The following ZNF143 variants were observed in gnomAD, a reference collection of about 807,000 sequenced individuals.
The protein encoded by ZNF143 is zinc finger protein 143, also known as SPH-binding factor.
Under a neutral mutation model 74.1 loss-of-function variants are expected in ZNF143, and 49 were observed. The ratio of observed to expected loss-of-function variants is 0.66; its 90% CI spans 0.53 to 0.84. ZNF143 has a LOEUF of 0.84. ZNF143 is among the 40% of genes least tolerant of loss of function. The probability of loss-of-function intolerance (pLI) is 0.00; values close to 1 mark genes in which losing one functional copy is unlikely to be tolerated. For synonymous variants in ZNF143, 304 were observed against 282.8 expected (o/e 1.07, Z -0.75); for missense variants, 637 against 793.4 (o/e 0.80, Z 2.37).
At position 9,512,596 on chromosome 11, in the gene ZNF143, T is replaced by C. The variant is rs1201040184; in HGVS notation, c.1524T>C (p.His508=). 3.7e-6 allele frequency: 6 copies of C among 1,613,746 alleles called. No individual in the cohort carries two copies. In the African/African-American group the frequency reaches 8.0e-5, roughly 22 times the overall value. ...TCATATCCCAGGATGGGACTCAGCA[T>C]GTAAGTATCCACCAAAAGCCAAACA... ...VTLISQDGTQ[H]VNISQADMQA... The change falls in exon 13 of 16, where the codon CAT becomes CAC. Residue 508 remains histidine, a splice_region_variant and synonymous_variant. Coordinates refer to ENST00000396602, the MANE Select transcript of ZNF143 (RefSeq NM_003442.6).
chr11:9,502,268 G>GTTTTA, intron 11 of ZNF143, among the ~76,000 whole-genome samples: 1 of 98,948 alleles, frequency 1.0e-5, no homozygotes, highest in African/African-American at 4.0e-5. Context: ...TTTTTTTTGG[G>GTTTTA]AAACTGCTTT....
At chr11:9,467,412 T>G (rs535530772) in intron 1 of ZNF143, among the ~76,000 whole-genome samples, 1 of 151,880 alleles carries the variant, frequency 6.6e-6, no homozygotes, top group South Asian at 2.1e-4. Context: ...TTTCTTATAT[T>G]TTTAGTAGAG....
intron 5 of ZNF143, among the ~76,000 whole-genome samples, chr11:9,476,895 G>A (rs1478513526): frequency 6.7e-6 from 1 of 150,268 alleles, no homozygotes; most frequent in East Asian, 2.0e-4. Flanking sequence ...GAGTAGCTGG[G>A]ACTACAGGCA....
At chr11:9,487,707 A>G (rs896699528) in intron 7 of ZNF143, among the ~76,000 whole-genome samples, 1 of 152,202 alleles carries the variant, frequency 6.6e-6, no homozygotes, top group Non-Finnish European at 1.5e-5. Flanking sequence ...ATACCAGTGA[A>G]GTCATTTTCT....
rs190912751 is a variant in ZNF143 at position 9,487,346 on chromosome 11, A to G, written c.646-7300A>G. The stretch of plus-strand genomic sequence containing the variant: ...ACATGGTGAGTTTATGGCAGAGCTA[A>G]GGTTATGTCTTTTTGTTTGTTTGTT... On this transcript the variant is annotated intron_variant, in intron 7 of 15. Coordinates refer to ENST00000396602, the MANE Select transcript of ZNF143 (RefSeq NM_003442.6). Among the ~76,000 whole-genome samples, 17 of 150,928 alleles carry G rather than the reference A, an allele frequency of 1.1e-4. No individual in the cohort carries two copies. The East Asian group carries it at 3.3e-3, about 29-fold the overall frequency.
At position 9,474,553 on chromosome 11, in the gene ZNF143, G is replaced by C. The variant is rs1357693066; in HGVS notation, c.293G>C (p.Gly98Ala). The change falls in exon 5 of 16, where the codon GGG (glycine) becomes GCG (alanine). Residue 98 changes from glycine (G) to alanine (A), a missense_variant. Gly to Ala is a moderately conservative substitution (Grantham distance 60). Transcript: ENST00000396602. ...VQHVPIPKST[G>A]DSLRLEDGQA... The stretch of plus-strand genomic sequence containing the variant: ...AAATGTAAGCATTGTTCTTGAGCAG[G>C]GGACAGTTTGCGTCTAGAGGATGGT... 1.9e-6 allele frequency: 3 copies of C among 1,613,948 alleles called. No homozygotes were observed. Among genetic ancestry groups the C allele is most frequent in the Non-Finnish European group, 2.5e-6 (3 of 1,180,010 alleles).
intron 7 of ZNF143, 86 bp downstream of exon 7, chr11:9,479,632 T>A: frequency 9.4e-7 from 1 of 1,062,828 alleles, no homozygotes; most frequent in Non-Finnish European, 1.4e-6. Flanking sequence ...GGTAACTCAC[T>A]ACCTCTCTAG....
chr11:9,523,141 T>C (rs1362090664), intron 14 of ZNF143, among the ~76,000 whole-genome samples: 3 of 152,210 alleles, frequency 2.0e-5, no homozygotes, highest in South Asian at 2.1e-4. Context: ...AATTTTGTTA[T>C]CTTTCTCTGG....
chr11:9,520,177 A>G (rs1468922782), intron 14 of ZNF143, among the ~76,000 whole-genome samples: 1 of 151,434 alleles, frequency 6.6e-6, no homozygotes, highest in Admixed American at 6.6e-5. Flanking sequence ...GCAGGATTAC[A>G]GGCACCCACC....
intron 2 of ZNF143, among the ~76,000 whole-genome samples, chr11:9,472,053 C>T (rs532126961): frequency 6.6e-6 from 1 of 151,682 alleles, no homozygotes; most frequent in East Asian, 1.9e-4. Flanking sequence ...CTCAGCCTCC[C>T]AAGTAGCTGA....
chr11:9,480,931 G>A (rs111741273), intron 7 of ZNF143, among the ~76,000 whole-genome samples: 63 of 151,720 alleles, frequency 4.2e-4, no homozygotes, highest in Admixed American at 6.6e-4. Flanking sequence ...ATGCTTCTAC[G>A]CGTTGCTGAA....
At chr11:9,506,606 A>C (rs1301914974) in intron 11 of ZNF143, among the ~76,000 whole-genome samples, 1 of 152,194 alleles carries the variant, frequency 6.6e-6, no homozygotes, top group Non-Finnish European at 1.5e-5. Context: ...GGTGTATTTA[A>C]AGCTCCCCAG....
In ZNF143 at chr11:9,518,631, C is replaced by T. The variant is rs1470352424; in HGVS notation, c.1686+2269C>T. Reference sequence around the variant, plus strand: ...ACTCAGGAGGCTGAGGCAGGAGAATCGCTTGAACCCAGGAGGCAGAGGTTG... The same window carrying T: ...ACTCAGGAGGCTGAGGCAGGAGAATTGCTTGAACCCAGGAGGCAGAGGTTG... On this transcript the variant is annotated intron_variant, in intron 14 of 15. Transcript: ENST00000396602. Among the ~76,000 whole-genome samples, 17 of 151,614 alleles carry T rather than the reference C, an allele frequency of 1.1e-4. 1 individual carries two copies. The highest frequency in any genetic ancestry group is 1.1e-3 in the Admixed American group (17 of 15,232).
chr11:9,473,547 C>G (rs1349060091), intron 3 of ZNF143, among the ~76,000 whole-genome samples: 1 of 152,158 alleles, frequency 6.6e-6, no homozygotes, highest in Non-Finnish European at 1.5e-5. Flanking sequence ...TCTTATAGCC[C>G]TCAGGGATGA....
chr11:9,502,594 C>T lies in ZNF143; in HGVS notation c.1147+1324C>T, dbSNP rs1848206393. ...CACTGCACTCCAGCCTGAGCAAGAG[C>T]GAGACTCCATCTCAAAAAAAAAAAA... On this transcript the variant is annotated intron_variant, in intron 11 of 15. Coordinates refer to ENST00000396602, the MANE Select transcript of ZNF143 (RefSeq NM_003442.6). 6.2e-5 allele frequency among the ~76,000 whole-genome samples: 8 copies of T among 128,006 alleles called. No homozygotes were observed. In the South Asian group the frequency reaches 1.0e-3, roughly 16 times the overall value. The allele number at this position is 128,006 out of a possible 152,430, so 84.0% of individuals were successfully genotyped here.
chr11:9,468,118 C>T (rs7115224), intron 1 of ZNF143, among the ~76,000 whole-genome samples: 3,960 of 152,264 alleles, frequency 0.026, 160 homozygotes, highest in African/African-American at 0.089. Context: ...TCCTCATATT[C>T]CCTAGTTTTG....
chr11:9,505,745 G>T (rs959108434), intron 11 of ZNF143, among the ~76,000 whole-genome samples: 1 of 151,454 alleles, frequency 6.6e-6, no homozygotes, highest in African/African-American at 2.4e-5. Context: ...TAGGCCTGGT[G>T]GTGGGCACCT....
At chr11:9,464,827 G>A (rs1856098832) in intron 1 of ZNF143, among the ~76,000 whole-genome samples, 1 of 152,060 alleles carries the variant, frequency 6.6e-6, no homozygotes, top group Non-Finnish European at 1.5e-5. Flanking sequence ...GGAGGCTGAG[G>A]CAGGGGAATT....
chr11:9,470,687 G>C (rs1856515615), intron 1 of ZNF143, among the ~76,000 whole-genome samples: 1 of 152,180 alleles, frequency 6.6e-6, no homozygotes, highest in South Asian at 2.1e-4. Flanking sequence ...ATTGATCAGT[G>C]TAAGGATTTG....
Sources: allele counts gnomAD v4.1 joint callset (sites outside exome capture counted in the v4.1 genomes callset), GRCh38; gene constraint gnomAD v4.1.1; transcripts MANE v1.5; gene names NCBI Gene and HGNC (gene_info 2026-07-23, HGNC 2026-07-21).